GABRA5: variants seen among roughly 807,000 people sequenced by gnomAD.
GABRA5 encodes the protein gamma-aminobutyric acid type A receptor subunit alpha5.
Under a neutral mutation model 47.3 loss-of-function variants are expected in GABRA5, and 18 were observed. The ratio of observed to expected loss-of-function variants is 0.38; its 90% CI spans 0.26 to 0.56. The LOEUF (loss-of-function observed/expected upper bound fraction) is 0.56. Ranked by LOEUF, GABRA5 falls within the 20% of genes least tolerant of loss-of-function variation. GABRA5 has a pLI of 0.71. For missense variants in GABRA5, 365 were observed against 599.3 expected (o/e 0.61, Z 4.08); for synonymous variants, 237 against 229.3 (o/e 1.03, Z -0.30).
intron 7 of GABRA5, 79 bp from the exon 8 acceptor site, chr15:26,937,106 A>G: frequency 1.3e-6 from 2 of 1,523,266 alleles, no homozygotes; most frequent in Non-Finnish European, 1.8e-6. Flanking sequence ...CTCTCTTGCT[A>G]CTTTAGTAAA....
intron 6 of GABRA5, among the ~76,000 whole-genome samples, chr15:26,890,749 C>T (rs997465375): frequency 5.3e-5 from 8 of 152,114 alleles, no homozygotes; most frequent in African/African-American, 1.4e-4. Context: ...GCATGATACA[C>T]GTGTCCTGTG....
intron 3 of GABRA5, among the ~76,000 whole-genome samples, chr15:26,872,409 CT>C (rs1892495268): frequency 6.6e-6 from 1 of 152,154 alleles, no homozygotes; most frequent in Non-Finnish European, 1.5e-5. Context: ...ACTCCGCCCC[CT>C]GTCACTTCTT....
rs144661291 is a variant in GABRA5, at chr15:26,949,185, T to C, written c.*952T>C. On this transcript the variant is annotated 3_prime_UTR_variant, in exon 11 of 11. Coordinates refer to ENST00000335625, the MANE Select transcript of GABRA5 (RefSeq NM_000810.4). The stretch of plus-strand genomic sequence containing the variant: ...TGAATCTTAAATGTTCATTAAAAAA[T>C]AAAAAATGAACTGATCTTGTGGACA... 3 of 152,102 alleles carry C rather than the reference T, an allele frequency of 2.0e-5. No individual in the cohort carries two copies. Among genetic ancestry groups the C allele is most frequent in the Non-Finnish European group, 4.4e-5 (3 of 68,004 alleles). 9.4% of individuals were successfully genotyped at this position (152,102 alleles called of 1,614,324 possible). A position where few individuals can be genotyped will look rare whatever the true frequency, so the allele number is the denominator to read the frequency against.
chr15:26,944,906 C>T (rs1894473945), intron 10 of GABRA5, among the ~76,000 whole-genome samples: 1 of 152,060 alleles, frequency 6.6e-6, no homozygotes, highest in Non-Finnish European at 1.5e-5. Flanking sequence ...ACGTGAGCCC[C>T]CGGGTGAATG....
intron 7 of GABRA5, among the ~76,000 whole-genome samples, chr15:26,936,413 A>T (rs1206790456): frequency 6.6e-6 from 1 of 152,014 alleles, no homozygotes; most frequent in Non-Finnish European, 1.5e-5. Flanking sequence ...CCCCATCCTC[A>T]AGCCAGCAGT....
intron 10 of GABRA5, 103 bp from the exon 11 acceptor site, chr15:26,947,831 A>C: frequency 9.5e-7 from 1 of 1,052,764 alleles, no homozygotes; most frequent in Admixed American, 2.6e-5. Flanking sequence ...TCCCAGGCTA[A>C]ACAGGTGTTT....
intron 6 of GABRA5, among the ~76,000 whole-genome samples, chr15:26,898,538 C>T (rs932203445): frequency 5.3e-5 from 8 of 152,142 alleles, no homozygotes; most frequent in African/African-American, 7.2e-5. Context: ...GGAGATCCAG[C>T]GATTGAAAGC....
rs1027602135 is a variant in GABRA5 at position 26,898,370 on chromosome 15, C to T, written c.497+14813C>T. ...TCAAATTTCTATCCACTCACCCACACGCTTCAACAAGCACCCTTTCTCTCC... is the reference window on the plus strand; with the variant it reads ...TCAAATTTCTATCCACTCACCCACATGCTTCAACAAGCACCCTTTCTCTCC... On this transcript the variant is annotated intron_variant, in intron 6 of 10. Transcript: ENST00000335625. 9.2e-5 allele frequency among the ~76,000 whole-genome samples: 14 copies of T among 152,332 alleles called. 1 individual carries two copies. Among genetic ancestry groups the T allele is most frequent in the Admixed American group, 6.5e-4 (10 of 15,306 alleles).
intron 6 of GABRA5, among the ~76,000 whole-genome samples, chr15:26,904,002 G>A (rs1893385162): frequency 6.6e-6 from 1 of 151,856 alleles, no homozygotes; most frequent in South Asian, 2.1e-4. Flanking sequence ...GCTTTTTGTT[G>A]CAGTTGCTTT....
At chr15:26,895,278 T>A (rs968250540) in intron 6 of GABRA5, among the ~76,000 whole-genome samples, 3 of 151,978 alleles carry the variant, frequency 2.0e-5, no homozygotes, top group African/African-American at 7.3e-5. Context: ...ATATTATTCC[T>A]TCTGAATATG....
intron 7 of GABRA5, among the ~76,000 whole-genome samples, chr15:26,932,725 A>G (rs897583168): frequency 1.3e-5 from 2 of 152,226 alleles, no homozygotes; most frequent in Non-Finnish European, 2.9e-5. Context: ...AATGCCCATC[A>G]ATGATAGACT....
At chr15:26,885,302 A>AG (rs1336258198) in intron 6 of GABRA5, among the ~76,000 whole-genome samples, 3 of 151,408 alleles carry the variant, frequency 2.0e-5, no homozygotes, top group Non-Finnish European at 2.9e-5. Context: ...CCGTTTCAAA[A>AG]AAAAAAAAAA....
chr15:26,940,793 G>A (rs541552287), intron 9 of GABRA5, among the ~76,000 whole-genome samples: 1 of 152,206 alleles, frequency 6.6e-6, no homozygotes, highest in African/African-American at 2.4e-5. Context: ...AACTAAATTG[G>A]GAGAGCTCTA....
At chr15:26,881,026 C>T (rs1892717427) in intron 4 of GABRA5, 59 bp downstream of exon 4, 1 of 1,582,226 alleles carries the variant, frequency 6.3e-7, no homozygotes, top group African/African-American at 1.4e-5. Context: ...TAAGTCTCGT[C>T]TCAAGCTTGT....
rs368432670 is a variant in GABRA5, at chr15:26,892,434, G to T, written c.497+8877G>T. ...GCCCGCGCCCCGGGGGCCCAGCAGT[G>T]GGGGGGCTGCCTTCCCCGGCCGCGC... On this transcript the variant is annotated intron_variant, in intron 6 of 10. Transcript: ENST00000335625. 3.9e-3 allele frequency among the ~76,000 whole-genome samples: 592 copies of T among 151,512 alleles called. 1 individual carries two copies. The highest frequency in any genetic ancestry group is 5.1e-3 in the Non-Finnish European group (349 of 67,996).
chr15:26,905,478 A>G (rs8034212), intron 6 of GABRA5, among the ~76,000 whole-genome samples: 9,448 of 152,098 alleles, frequency 0.062, 969 homozygotes, highest in African/African-American at 0.22. Context: ...TGGATCTCTT[A>G]AATTTATACT....
chr15:26,868,266 C>T (rs2140238359), intron 1 of GABRA5, among the ~76,000 whole-genome samples: 1 of 152,034 alleles, frequency 6.6e-6, no homozygotes, highest in East Asian at 1.9e-4. Context: ...CCCCCGGACG[C>T]GCCCAGGCGA....
At chr15:26,873,686 A>G (rs748640646) in intron 3 of GABRA5, among the ~76,000 whole-genome samples, 3 of 152,206 alleles carry the variant, frequency 2.0e-5, no homozygotes, top group Non-Finnish European at 4.4e-5. Context: ...TTTAAATGGA[A>G]AGTTCTCCCT....
chr15:26,928,793 A>G lies in GABRA5; in HGVS notation c.581-8392A>G, dbSNP rs191943042. On this transcript the variant is annotated intron_variant, in intron 7 of 10. Coordinates refer to ENST00000335625, the MANE Select transcript of GABRA5 (RefSeq NM_000810.4). ...TTTCTCACAGTTCTGGAGGCTGGAA[A>G]GTTTTGGATCAAGTTACCAACAGTT... Among the ~76,000 whole-genome samples the G allele has an allele frequency of 5.8e-3, 884 of 152,316 alleles. 5 individuals carry two copies. Among genetic ancestry groups the G allele is most frequent in the Non-Finnish European group, 9.3e-3 (632 of 68,020 alleles).
Sources: allele counts gnomAD v4.1 joint callset (sites outside exome capture counted in the v4.1 genomes callset), GRCh38; gene constraint gnomAD v4.1.1; transcripts MANE v1.5; gene names NCBI Gene and HGNC (gene_info 2026-07-23, HGNC 2026-07-21).